The following EYS variants were observed in gnomAD, a reference collection of about 807,000 sequenced individuals.
The protein encoded by EYS is protein eyes shut homolog.
A neutral mutation model predicts 282.1 loss-of-function variants in EYS; 250 were observed. That is an observed-to-expected ratio of 0.89 (90% CI 0.80 to 0.98). EYS has a LOEUF of 0.98. Among genes scored for constraint, EYS ranks in the 50% least tolerant of loss-of-function variants. EYS has a pLI of 0.00. For missense variants in EYS, 4,016 were observed against 3,709.0 expected, an observed-to-expected ratio of 1.08 and a Z score of -2.15; for synonymous variants, 1,355 against 1,282.9, an observed-to-expected ratio of 1.06 and a Z score of -1.20.
chr6:63,783,589 T>C (rs1457195053), intron 39 of EYS, among the ~76,000 whole-genome samples: 2 of 152,194 alleles, frequency 1.3e-5, no homozygotes. Context: ...TATATAATTA[T>C]ATTAGGTATG....
At chr6:64,508,582 T>C (rs911628347) in intron 26 of EYS, among the ~76,000 whole-genome samples, 1 of 148,248 alleles carries the variant, frequency 6.7e-6, no homozygotes, top group African/African-American at 2.5e-5. Flanking sequence ...ATTATTATTA[T>C]TATTATTATT....
At chr6:64,332,351 T>C (rs907784967) in intron 29 of EYS, among the ~76,000 whole-genome samples, 15 of 152,192 alleles carry the variant, frequency 9.9e-5, no homozygotes, top group African/African-American at 3.1e-4. Context: ...AGTGAGACCA[T>C]GTAGTAAATA....
chr6:64,734,094 T>G lies in EYS; in HGVS notation c.3443+79284A>C, dbSNP rs963104109. On this transcript the variant is annotated intron_variant, in intron 22 of 42. Transcript: ENST00000503581. ...ATTGTGGTGCTTACCCAATCACGAA[T>G]CTTCTGCCCATATTGCAGATATTTT... Among the ~76,000 whole-genome samples, 6 of 149,596 alleles carry G rather than the reference T, an allele frequency of 4.0e-5. No individual in the cohort carries two copies. In the South Asian group the frequency reaches 1.3e-3, roughly 32 times the overall value.
At chr6:64,901,874 G>C (rs1460171682) in intron 18 of EYS, among the ~76,000 whole-genome samples, 1 of 152,054 alleles carries the variant, frequency 6.6e-6, no homozygotes, top group African/African-American at 2.4e-5. Flanking sequence ...GGAAACTAAG[G>C]AGCATTTTGC....
intron 2 of EYS, among the ~76,000 whole-genome samples, chr6:65,589,578 A>C (rs986924502): frequency 1.3e-5 from 2 of 151,930 alleles, no homozygotes; most frequent in African/African-American, 4.8e-5. Flanking sequence ...CAAACAGCCA[A>C]TATATAAACT....
chr6:64,146,914 T>G (rs1434050155), intron 31 of EYS, among the ~76,000 whole-genome samples: 1 of 152,192 alleles, frequency 6.6e-6, no homozygotes, highest in Non-Finnish European at 1.5e-5. Context: ...TTTCCATTTT[T>G]CTGATGAAAA....
At chr6:64,032,924 T>G (rs997657353) in intron 33 of EYS, among the ~76,000 whole-genome samples, 2 of 152,120 alleles carry the variant, frequency 1.3e-5, no homozygotes, top group Non-Finnish European at 2.9e-5. Context: ...CATAATTGAG[T>G]AAATCATTGG....
At chr6:64,288,662 G>A (rs1768586796) in intron 30 of EYS, among the ~76,000 whole-genome samples, 1 of 151,948 alleles carries the variant, frequency 6.6e-6, no homozygotes, top group Admixed American at 6.6e-5. Flanking sequence ...TCTCTCTTGT[G>A]CTCCACATGA....
intron 19 of EYS, among the ~76,000 whole-genome samples, chr6:64,837,794 A>G (rs1276466703): frequency 6.6e-6 from 1 of 150,946 alleles, no homozygotes; most frequent in African/African-American, 2.4e-5. Context: ...AATCAGTGGC[A>G]TTTCTATATG....
At chr6:64,084,511 T>C (rs868403129) in intron 31 of EYS, among the ~76,000 whole-genome samples, 1 of 152,194 alleles carries the variant, frequency 6.6e-6, no homozygotes, top group Non-Finnish European at 1.5e-5. Flanking sequence ...AAAGGATAAG[T>C]AAACTTTCTC....
chr6:65,397,188 T>TTTTATTTA (rs145896389), intron 7 of EYS, among the ~76,000 whole-genome samples: 6 of 151,860 alleles, frequency 4.0e-5, no homozygotes, highest in Middle Eastern at 3.4e-3. Context: ...AGCTAACCTC[T>TTTTATTTA]TTTATTTATT....
At chr6:64,108,507 CTTTTTTT>C (rs530004392) in intron 31 of EYS, among the ~76,000 whole-genome samples, 2 of 116,848 alleles carry the variant, frequency 1.7e-5, no homozygotes, top group African/African-American at 6.5e-5. Flanking sequence ...TCCACTACTG[CTTTTTTT>C]TTTTTTTTTT....
intron 14 of EYS, among the ~76,000 whole-genome samples, chr6:64,954,521 T>C (rs997346427): frequency 1.3e-5 from 2 of 152,142 alleles, no homozygotes; most frequent in African/African-American, 4.8e-5. Flanking sequence ...CACATAAAGA[T>C]GACAGTATAT....
chr6:64,551,729 G>A (rs914281715), intron 26 of EYS, among the ~76,000 whole-genome samples: 2 of 151,806 alleles, frequency 1.3e-5, no homozygotes, highest in Non-Finnish European at 2.9e-5. Flanking sequence ...TAGAGACAGG[G>A]TTTCGCTAAA....
intron 19 of EYS, among the ~76,000 whole-genome samples, chr6:64,867,644 T>A (rs1232474842): frequency 1.3e-5 from 2 of 151,722 alleles, no homozygotes; most frequent in African/African-American, 4.8e-5. Context: ...GTTCTAGATG[T>A]TACTTGTATT....
chr6:65,157,798 C>G lies in EYS; in HGVS notation c.2024-100071G>C, dbSNP rs189014186. On this transcript the variant is annotated intron_variant, in intron 12 of 42. Transcript: ENST00000503581. ...TATATTTTTATGACAGGTTTTTTCC[C>G]CCCATATTATAACTTTAACATGTTT... Among the ~76,000 whole-genome samples, 10 of 150,114 alleles carry G rather than the reference C, an allele frequency of 6.7e-5. No individual in the cohort carries two copies. The East Asian group carries it at 2.0e-3, about 29-fold the overall frequency.
intron 22 of EYS, among the ~76,000 whole-genome samples, chr6:64,737,325 T>C (rs1772216449): frequency 6.6e-6 from 1 of 152,238 alleles, no homozygotes; most frequent in Admixed American, 6.5e-5. Flanking sequence ...TGCTCTACTT[T>C]AGTAAAAGAC....
chr6:65,224,263 G>A (rs990033765), intron 12 of EYS, among the ~76,000 whole-genome samples: 1 of 152,038 alleles, frequency 6.6e-6, no homozygotes, highest in African/African-American at 2.4e-5. Flanking sequence ...GAACAAAAAA[G>A]TAGAGTTCAT....
intron 35 of EYS, among the ~76,000 whole-genome samples, chr6:63,957,628 T>A (rs977763016): frequency 7.1e-6 from 1 of 140,998 alleles, no homozygotes; most frequent in Non-Finnish European, 1.6e-5. Context: ...ATTCAAACTA[T>A]AAATCTGAAA....
Sources: allele counts gnomAD v4.1 joint callset (sites outside exome capture counted in the v4.1 genomes callset), GRCh38; gene constraint gnomAD v4.1.1; transcripts MANE v1.5; gene names NCBI Gene and HGNC (gene_info 2026-07-23, HGNC 2026-07-21).